The following DNM2 variants were observed in gnomAD, a reference collection of about 807,000 sequenced individuals.
DNM2 encodes the protein dynamin-2.
DNM2 carries 15 observed loss-of-function variants against 99.0 expected under a neutral mutation model. The observed-to-expected ratio is 0.15, with a 90% CI of 0.10 to 0.23. The LOEUF is 0.23. Among genes scored for constraint, DNM2 ranks in the 10% least tolerant of loss-of-function variants. The pLI is 1.00. For synonymous variants in DNM2, 525 were observed against 481.2 expected (o/e 1.09, Z -1.19); for missense variants, 742 against 1,189.4 (o/e 0.62, Z 5.53).
At chr19:10,784,819 A>ATT (rs35575438) in intron 6 of DNM2, among the ~76,000 whole-genome samples, 49,539 of 99,296 alleles carry the variant, frequency 0.5, 15,245 homozygotes, top group African/African-American at 0.55. Flanking sequence ...TTTTTTGATG[A>ATT]TTTTTTTTTT....
rs2072598146 is a variant in DNM2 at position 10,812,770 on chromosome 19, G to C, written c.1671+393G>C. 6.6e-6 allele frequency among the ~76,000 whole-genome samples: 1 copy of C among 152,178 alleles called. No homozygotes were observed. Among genetic ancestry groups the C allele is most frequent in the Non-Finnish European group, 1.5e-5 (1 of 68,028 alleles). On this transcript the variant is annotated intron_variant, in intron 15 of 20. Coordinates refer to ENST00000389253, the MANE Select transcript of DNM2 (RefSeq NM_001005361.3). This position sits in a 1 kb window ranked among gnomAD's most constrained non-coding sequence, Gnocchi z 4.0. ...CCACTGCACTCCAGCCTGGGCGAGAGAGCGAGACTCCATCTCAAAATAAAC... is the reference window on the plus strand; with the variant it reads ...CCACTGCACTCCAGCCTGGGCGAGACAGCGAGACTCCATCTCAAAATAAAC...
At chr19:10,761,894 A>G (rs891773871) in intron 2 of DNM2, among the ~76,000 whole-genome samples, 1 of 152,192 alleles carries the variant, frequency 6.6e-6, no homozygotes, top group Admixed American at 6.5e-5. Flanking sequence ...CCGATGGGCC[A>G]ATGGGCTGCC....
chr19:10,831,841 C>G lies in DNM2; in HGVS notation c.*794C>G, dbSNP rs553338764. On this transcript the variant is annotated 3_prime_UTR_variant, in exon 21 of 21. Coordinates refer to ENST00000389253, the MANE Select transcript of DNM2 (RefSeq NM_001005361.3). This position sits in a 1 kb window ranked among gnomAD's most constrained non-coding sequence, Gnocchi z 4.3. ...ACCCACTCCTCGCTCAGTTTGACCA[C>G]TGTAAGTGCCTGCACTCTGTATTCT... is the stretch of plus-strand genomic sequence containing the variant. 1 of 996,152 alleles carries G rather than the reference C, an allele frequency of 1.0e-6. No homozygotes were observed. Among genetic ancestry groups the G allele is most frequent in the Non-Finnish European group, 1.2e-6 (1 of 836,428 alleles). The allele number at this position is 996,152 out of a possible 1,614,324, so 61.7% of individuals were successfully genotyped here.
At chr19:10,724,141 G>A (rs561849903) in intron 1 of DNM2, among the ~76,000 whole-genome samples, 86 of 151,802 alleles carry the variant, frequency 5.7e-4, no homozygotes, top group South Asian at 4.4e-3. Context: ...AGCAGGATGA[G>A]GGAGAGATCA....
intron 1 of DNM2, among the ~76,000 whole-genome samples, chr19:10,737,774 C>T (rs376363085): frequency 5.9e-5 from 9 of 152,290 alleles, no homozygotes; most frequent in Non-Finnish European, 7.4e-5. Flanking sequence ...CATGAGCCAC[C>T]GCACCCGGCC....
chr19:10,830,520 G>T lies in DNM2; in HGVS notation c.2543+142G>T, dbSNP rs1652043113. On this transcript the variant is annotated intron_variant, in intron 20 of 20. Coordinates refer to ENST00000389253, the MANE Select transcript of DNM2 (RefSeq NM_001005361.3). The surrounding 1 kb of genome is among the most constrained non-coding windows in gnomAD (Gnocchi z 4.8). ...GTCCTCATCCCTATTTGGCTTGCGA[G>T]GAAACAGGCCCAGAGAGGCCAAGAG... 2 of 1,041,106 alleles carry T rather than the reference G, an allele frequency of 1.9e-6. No homozygotes were observed. Among genetic ancestry groups the T allele is most frequent in the Non-Finnish European group, 2.8e-6 (2 of 724,574 alleles). The allele number at this position is 1,041,106 out of a possible 1,614,324, so 64.5% of individuals were successfully genotyped here. A position where few individuals can be genotyped will look rare whatever the true frequency, so the allele number is the denominator to read the frequency against.
chr19:10,724,344 A>AT (rs1460103223), intron 1 of DNM2, among the ~76,000 whole-genome samples: 6 of 151,932 alleles, frequency 3.9e-5, no homozygotes, highest in Admixed American at 6.6e-5. Flanking sequence ...GGCCCGGCTA[A>AT]TTTTTTGTAT....
At chr19:10,829,454 A>C (rs1907269648) in intron 19 of DNM2, among the ~76,000 whole-genome samples, 186 bp downstream of exon 19, 1 of 152,138 alleles carries the variant, frequency 6.6e-6, no homozygotes. Context: ...GGGGCGAGCC[A>C]GCCCTACAGC....
rs980269589 is a variant in DNM2, at chr19:10,820,316, C to T, written c.1781+227C>T. Among the ~76,000 whole-genome samples the T allele has an allele frequency of 5.3e-5, 8 of 152,324 alleles. No individual in the cohort carries two copies. The highest frequency in any genetic ancestry group is 3.4e-3 in the Middle Eastern group (1 of 294). ...CAGAGATGAGGATGAAGGCAGGCTC[C>T]GAGTCAGTGGGAGCCATGGAGAGTT... On this transcript the variant is annotated intron_variant, in intron 16 of 20. Transcript: ENST00000389253. The surrounding 1 kb of genome is among the most constrained non-coding windows in gnomAD (Gnocchi z 4.3).
chr19:10,807,969 C>T (rs2072409682), intron 13 of DNM2, among the ~76,000 whole-genome samples: 1 of 150,972 alleles, frequency 6.6e-6, no homozygotes, highest in Non-Finnish European at 1.5e-5. Flanking sequence ...ATGGTGAAAC[C>T]CCGTCTCTAC....
chr19:10,730,217 C>A (rs986783030), intron 1 of DNM2, among the ~76,000 whole-genome samples: 3 of 152,110 alleles, frequency 2.0e-5, no homozygotes, highest in Non-Finnish European at 4.4e-5. Flanking sequence ...TGGTGACTCA[C>A]GCCTGTAATC....
rs1212230458 is a variant in DNM2, at chr19:10,817,120, TGAG to T, written c.1672-2852_1672-2850del. Among the ~76,000 whole-genome samples the T allele has an allele frequency of 6.6e-6, 1 of 152,210 alleles. No individual in the cohort carries two copies. Among genetic ancestry groups the T allele is most frequent in the Non-Finnish European group, 1.5e-5 (1 of 68,028 alleles). ...GAGTCACACACGTGGCAGCCACCCC[TGAG>T]GAGGAGGCCACCCTCTTAGATGCCT... On this transcript the variant is annotated intron_variant, in intron 15 of 20. Coordinates refer to ENST00000389253, the MANE Select transcript of DNM2 (RefSeq NM_001005361.3). This position sits in a 1 kb window ranked among gnomAD's most constrained non-coding sequence, Gnocchi z 4.6.
chr19:10,828,850 G>C (rs560235328), intron 18 of DNM2, 186 bp from the exon 19 acceptor site: 3 of 618,310 alleles, frequency 4.9e-6, no homozygotes, highest in African/African-American at 3.7e-5. Context: ...ACTTGAACCC[G>C]GGAGGCGGAG....
chr19:10,777,292 C>T, intron 5 of DNM2, 76 bp downstream of exon 5: 1 of 1,370,094 alleles, frequency 7.3e-7, no homozygotes, highest in Non-Finnish European at 1.0e-6. Flanking sequence ...AGCACCTGTT[C>T]CCTGCCTGCC....
At chr19:10,824,997 G>A in intron 17 of DNM2, 60 bp from the exon 18 acceptor site, 5 of 1,610,940 alleles carry the variant, frequency 3.1e-6, no homozygotes, top group Non-Finnish European at 4.2e-6. Flanking sequence ...ATGGTTTCCA[G>A]AGAACCAGGA....
At chr19:10,814,255 G>A (rs1417442614) in intron 15 of DNM2, among the ~76,000 whole-genome samples, 3 of 151,880 alleles carry the variant, frequency 2.0e-5, no homozygotes, top group Non-Finnish European at 2.9e-5. Flanking sequence ...ACTTGAGGTC[G>A]GGAGTTCGAG....
In DNM2 at chr19:10,796,287, C is replaced by T; in HGVS notation, c.1196+848C>T. On this transcript the variant is annotated intron_variant, in intron 9 of 20. Coordinates refer to ENST00000389253, the MANE Select transcript of DNM2 (RefSeq NM_001005361.3). The surrounding 1 kb of genome is among the most constrained non-coding windows in gnomAD (Gnocchi z 5.6). Reference sequence around the variant, plus strand: ...TCAGGCTCCCAGCGCCTCATTGGCCCCCACTGGTGCCTTTTCTCCCCATAT... The same window carrying T: ...TCAGGCTCCCAGCGCCTCATTGGCCTCCACTGGTGCCTTTTCTCCCCATAT... 6.3e-7 allele frequency: 1 copy of T among 1,584,370 alleles called. No homozygotes were observed. The highest frequency in any genetic ancestry group is 8.6e-7 in the Non-Finnish European group (1 of 1,156,834).
chr19:10,777,200 G>T lies in DNM2; in HGVS notation c.672G>T (p.Leu224Phe). The change falls in exon 5 of 21, where the codon TTG (leucine) becomes TTT (phenylalanine). Residue 224 changes from leucine to phenylalanine, a missense_variant. Physicochemically the swap from Leu to Phe is conservative, Grantham distance 22 (BLOSUM62 0). Transcript: ENST00000389253. Reference protein sequence around the residue: ...TDARDVLENKLLPLRRGYIGV... With the variant: ...TDARDVLENKFLPLRRGYIGV... ...CCAGGGACGTCTTGGAGAACAAGTT[G>T]CTCCCGTTGAGAAGAGGTGTGGCTT... The T allele has an allele frequency of 6.2e-7, 1 of 1,614,206 alleles. No individual in the cohort carries two copies. The highest frequency in any genetic ancestry group is 8.5e-7 in the Non-Finnish European group (1 of 1,180,034).
At chr19:10,773,379 C>A (rs1415582774) in intron 3 of DNM2, among the ~76,000 whole-genome samples, 1 of 151,400 alleles carries the variant, frequency 6.6e-6, no homozygotes, top group African/African-American at 2.4e-5. Flanking sequence ...AAACTCCCGA[C>A]CTTGTGATCT....
Sources: gnomAD v4.1 joint callset for allele counts (sites outside exome capture counted in the v4.1 genomes callset) on GRCh38, gnomAD v4.1.1 for gene constraint, Gnocchi (gnomAD v3.1) non-coding constraint, MANE v1.5 for transcripts, NCBI Gene and HGNC (gene_info 2026-07-23, HGNC 2026-07-21) for gene names.